Variants in CCBE1 observed in about 807,000 individuals in gnomAD.
CCBE1 encodes collagen and calcium-binding EGF domain-containing protein 1.
In CCBE1, 37 loss-of-function variants were observed where a neutral mutation model predicts 50.0. The ratio of observed to expected loss-of-function variants is 0.74; its 90% CI spans 0.57 to 0.97. The LOEUF (loss-of-function observed/expected upper bound fraction) is 0.97. CCBE1 is among the 50% of genes least tolerant of loss of function. CCBE1 has a pLI of 0.00. For synonymous variants in CCBE1, 234 were observed against 203.7 expected (o/e 1.15, Z -1.27); for missense variants, 538 against 523.8 (o/e 1.03, Z -0.26).
At chr18:59,538,164 T>A (rs58675568) in intron 2 of CCBE1, among the ~76,000 whole-genome samples, 2,477 of 152,322 alleles carry the variant, frequency 0.016, 31 homozygotes, top group South Asian at 0.051. Flanking sequence ...TTTAACTCTA[T>A]TATTGAATAG....
chr18:59,547,319 C>T (rs374977793), intron 2 of CCBE1, among the ~76,000 whole-genome samples: 19 of 152,146 alleles, frequency 1.2e-4, no homozygotes, highest in African/African-American at 2.2e-4. Flanking sequence ...ATCTGGAGTT[C>T]GAGTTGACCT....
intron 2 of CCBE1, among the ~76,000 whole-genome samples, chr18:59,594,250 C>A (rs1232290497): frequency 6.6e-6 from 1 of 152,242 alleles, no homozygotes; most frequent in Non-Finnish European, 1.5e-5. Flanking sequence ...GAATCCGCTA[C>A]AGATGGGTTC....
intron 2 of CCBE1, among the ~76,000 whole-genome samples, chr18:59,670,617 T>C (rs2054418262): frequency 1.3e-5 from 2 of 152,178 alleles, no homozygotes; most frequent in Non-Finnish European, 2.9e-5. Flanking sequence ...TAGCAAGTGA[T>C]TCTATATCTT....
intron 2 of CCBE1, among the ~76,000 whole-genome samples, chr18:59,540,630 C>T (rs1470513578): frequency 6.6e-6 from 1 of 152,144 alleles, no homozygotes; most frequent in Non-Finnish European, 1.5e-5. Flanking sequence ...ACAAATGAAC[C>T]CAATCTTTTT....
chr18:59,662,095 G>T (rs1439734569), intron 2 of CCBE1, among the ~76,000 whole-genome samples: 7 of 152,160 alleles, frequency 4.6e-5, no homozygotes, highest in African/African-American at 1.7e-4. Flanking sequence ...TTGCATTTAG[G>T]AGCACTAGAC....
rs115448120 is a variant in CCBE1, at chr18:59,605,171, G to A, written c.212+91458C>T. 2.2e-3 allele frequency among the ~76,000 whole-genome samples: 341 copies of A among 152,354 alleles called. 2 individuals are homozygous for A. The highest frequency in any genetic ancestry group is 7.8e-3 in the African/African-American group (325 of 41,584). Reference sequence around the variant, plus strand: ...GAGGCTGCTCCCCCTAGGAGGCACAGCAGGGAGAAATGGAGAAGGAAGGAG... The same window carrying A: ...GAGGCTGCTCCCCCTAGGAGGCACAACAGGGAGAAATGGAGAAGGAAGGAG... On this transcript the variant is annotated intron_variant, in intron 2 of 10. Coordinates refer to ENST00000439986, the MANE Select transcript of CCBE1 (RefSeq NM_133459.4).
At chr18:59,522,924 G>A (rs941199806) in intron 2 of CCBE1, among the ~76,000 whole-genome samples, 3 of 147,566 alleles carry the variant, frequency 2.0e-5, no homozygotes, top group African/African-American at 5.1e-5. Flanking sequence ...CCCAGGAGGC[G>A]GAGCTTGCAG....
intron 2 of CCBE1, among the ~76,000 whole-genome samples, chr18:59,671,710 T>C (rs1164194349): frequency 6.7e-6 from 1 of 148,952 alleles, no homozygotes; most frequent in East Asian, 2.0e-4. Flanking sequence ...GAGTGAGGGA[T>C]GAGGTGATAC....
intron 2 of CCBE1, among the ~76,000 whole-genome samples, chr18:59,521,672 G>A (rs1186093379): frequency 1.3e-5 from 2 of 152,124 alleles, no homozygotes; most frequent in African/African-American, 2.4e-5. Flanking sequence ...ATCAGATATC[G>A]CCATTGGCCT....
chr18:59,501,548 C>A (rs4393677), intron 2 of CCBE1, among the ~76,000 whole-genome samples: 3,167 of 152,196 alleles, frequency 0.021, 123 homozygotes, highest in East Asian at 0.19. Flanking sequence ...CTGCTGAACC[C>A]CAAACACATC....
Position 59,527,807 on chromosome 18 carries a change from C to T in CCBE1, c.213-47569G>A, listed in dbSNP as rs74538287. The stretch of plus-strand genomic sequence containing the variant: ...CTTTTAAAAAGGTTGAATACTGGCC[C>T]CTAATCTCTTCTGGCTTGTAGGGTT... On this transcript the variant is annotated intron_variant, in intron 2 of 10. Coordinates refer to ENST00000439986, the MANE Select transcript of CCBE1 (RefSeq NM_133459.4). Among the ~76,000 whole-genome samples, 910 of 152,276 alleles carry T rather than the reference C, an allele frequency of 6.0e-3. 4 individuals carry two copies. Among genetic ancestry groups the T allele is most frequent in the African/African-American group, 0.021 (862 of 41,552 alleles).
chr18:59,438,117 C>A lies in CCBE1; in HGVS notation c.981G>T (p.Gly327=). Residue 327 remains glycine (G), a synonymous_variant, in exon 10 of 11, where the codon GGG becomes GGT. Coordinates refer to ENST00000439986, the MANE Select transcript of CCBE1 (RefSeq NM_133459.4). ...KGERGAPGPR[G]SPGPPGSFDF... ...GACACAGAGTGCTACTTACTGGAGA[C>A]CCTCTGGGCCCAGGCGCTCCTCTCT... 6.2e-7 allele frequency: 1 copy of A among 1,614,092 alleles called. No individual in the cohort carries two copies. Among genetic ancestry groups the A allele is most frequent in the Non-Finnish European group, 8.5e-7 (1 of 1,180,014 alleles).
intron 2 of CCBE1, among the ~76,000 whole-genome samples, chr18:59,600,004 C>T (rs939219449): frequency 1.3e-5 from 2 of 152,192 alleles, no homozygotes; most frequent in Non-Finnish European, 2.9e-5. Flanking sequence ...AGTTTTCCAA[C>T]AAAACTTTTG....
intron 2 of CCBE1, among the ~76,000 whole-genome samples, chr18:59,663,039 C>A (rs1349903575): frequency 6.6e-6 from 1 of 152,088 alleles, no homozygotes; most frequent in Non-Finnish European, 1.5e-5. Flanking sequence ...AGTGAAAATA[C>A]AATTCAACAA....
chr18:59,558,733 A>G (rs1453769440), intron 2 of CCBE1, among the ~76,000 whole-genome samples: 1 of 152,144 alleles, frequency 6.6e-6, no homozygotes, highest in Non-Finnish European at 1.5e-5. Context: ...GATACAGCTT[A>G]GCTTGCTTGT....
intron 2 of CCBE1, among the ~76,000 whole-genome samples, chr18:59,615,504 A>AT (rs941394485): frequency 1.8e-4 from 28 of 151,776 alleles, no homozygotes; most frequent in African/African-American, 6.3e-4. Flanking sequence ...TGTCGGAGAA[A>AT]AAAAAAAAGA....
chr18:59,584,529 A>G (rs539859648), intron 2 of CCBE1, among the ~76,000 whole-genome samples: 4 of 152,272 alleles, frequency 2.6e-5, no homozygotes, highest in South Asian at 4.2e-4. Context: ...GTAATCCTCA[A>G]TCTTTGAGGT....
chr18:59,599,543 C>G (rs1180067950), intron 2 of CCBE1, among the ~76,000 whole-genome samples: 1 of 152,162 alleles, frequency 6.6e-6, no homozygotes, highest in African/African-American at 2.4e-5. Flanking sequence ...ATATGGCTCA[C>G]TCATATAGTC....
intron 2 of CCBE1, among the ~76,000 whole-genome samples, chr18:59,674,736 C>A (rs566056485): frequency 1.3e-5 from 2 of 152,326 alleles, no homozygotes; most frequent in South Asian, 4.1e-4. Context: ...CAAGCACAAT[C>A]TCTTCTGCTA....
Sources: gnomAD v4.1 joint callset for allele counts (sites outside exome capture counted in the v4.1 genomes callset) on GRCh38, gnomAD v4.1.1 for gene constraint, MANE v1.5 for transcripts, NCBI Gene and HGNC (gene_info 2026-07-23, HGNC 2026-07-21) for gene names.